The following EPM2A variants were observed in gnomAD, a reference collection of about 807,000 sequenced individuals.
The protein encoded by EPM2A is EPM2A glucan phosphatase, laforin.
In EPM2A, 21 loss-of-function variants were observed where a neutral mutation model predicts 26.5. The observed-to-expected ratio is 0.79, with a 90% CI of 0.56 to 1.14. EPM2A has a LOEUF of 1.14. Ranked by LOEUF, EPM2A falls within the 50% of genes most tolerant of loss-of-function variation. The pLI, the probability that EPM2A is intolerant of heterozygous loss-of-function variation, is 0.00. For missense variants in EPM2A, 458 were observed against 440.8 expected, an observed-to-expected ratio of 1.04 and a Z score of -0.35; for synonymous variants, 217 against 177.6, an observed-to-expected ratio of 1.22 and a Z score of -1.76.
At chr6:145,514,294 G>A (rs557504910) in intron 2 of EPM2A, among the ~76,000 whole-genome samples, 97 of 152,202 alleles carry the variant, frequency 6.4e-4, no homozygotes, top group African/African-American at 2.3e-3. Context: ...CTATAACTGA[G>A]TCAGATACCA....
At chr6:145,411,250 CTCTT>C (rs1338610931) in intron 4 of EPM2A, among the ~76,000 whole-genome samples, 1 of 152,154 alleles carries the variant, frequency 6.6e-6, no homozygotes, top group African/African-American at 2.4e-5. Context: ...AAGATACCAG[CTCTT>C]TCTATGATGA....
intron 4 of EPM2A, among the ~76,000 whole-genome samples, chr6:145,426,870 A>C (rs999543613): frequency 6.6e-6 from 1 of 152,242 alleles, no homozygotes; most frequent in Non-Finnish European, 1.5e-5. Context: ...TTATATCTTC[A>C]AAAAATTCCT....
At chr6:145,443,446 C>T (rs1779093408) in intron 4 of EPM2A, among the ~76,000 whole-genome samples, 1 of 152,104 alleles carries the variant, frequency 6.6e-6, no homozygotes, top group Non-Finnish European at 1.5e-5. Context: ...GATCTTTCAT[C>T]TCTCTCATTA....
At chr6:145,560,051 C>T (rs1345810803) in intron 2 of EPM2A, among the ~76,000 whole-genome samples, 1 of 152,088 alleles carries the variant, frequency 6.6e-6, no homozygotes, top group Non-Finnish European at 1.5e-5. Flanking sequence ...TACATTCAGC[C>T]AGGTTCTTCT....
At chr6:145,467,713 A>G (rs1779417542) in intron 4 of EPM2A, among the ~76,000 whole-genome samples, 3 of 152,140 alleles carry the variant, frequency 2.0e-5, no homozygotes, top group African/African-American at 7.2e-5. Context: ...AATGTTAAAT[A>G]TTATCTTTCA....
At chr6:145,605,540 G>C (rs1405908492) in intron 2 of EPM2A, among the ~76,000 whole-genome samples, 2 of 152,078 alleles carry the variant, frequency 1.3e-5, no homozygotes, top group African/African-American at 4.8e-5. Context: ...GAAAATGTAG[G>C]AGTATGATTG....
At chr6:145,731,725 C>G (rs1776496734) in intron 1 of EPM2A, among the ~76,000 whole-genome samples, 1 of 151,942 alleles carries the variant, frequency 6.6e-6, no homozygotes, top group Non-Finnish European at 1.5e-5. Flanking sequence ...ACTGCACATT[C>G]TGCACATATA....
At chr6:145,443,151 G>A (rs947682792) in intron 4 of EPM2A, among the ~76,000 whole-genome samples, 2 of 151,914 alleles carry the variant, frequency 1.3e-5, no homozygotes, top group Admixed American at 6.6e-5. Context: ...AATTACAGGT[G>A]TGAGCCACCA....
chr6:145,657,291 T>C (rs1164923694), intron 2 of EPM2A, among the ~76,000 whole-genome samples: 1 of 152,064 alleles, frequency 6.6e-6, no homozygotes, highest in Non-Finnish European at 1.5e-5. Context: ...AGTTTCACCA[T>C]ATTGGCCAGG....
intron 2 of EPM2A, among the ~76,000 whole-genome samples, chr6:145,608,259 T>C (rs1443284735): frequency 6.6e-6 from 1 of 152,226 alleles, no homozygotes; most frequent in African/African-American, 2.4e-5. Flanking sequence ...TTAAACTTTA[T>C]CATAGGTATG....
At chr6:145,469,871 A>G (rs1053439190) in intron 4 of EPM2A, among the ~76,000 whole-genome samples, 1 of 152,178 alleles carries the variant, frequency 6.6e-6, no homozygotes, top group African/African-American at 2.4e-5. Context: ...TATTTACAAC[A>G]TCATGGATGG....
intron 2 of EPM2A, among the ~76,000 whole-genome samples, chr6:145,615,239 A>T (rs566473424): frequency 6.6e-6 from 1 of 152,246 alleles, no homozygotes; most frequent in South Asian, 2.1e-4. Context: ...TGCTGTTCTC[A>T]TGATAATAGT....
intron 4 of EPM2A, among the ~76,000 whole-genome samples, chr6:145,467,654 G>A (rs1253492037): frequency 6.6e-6 from 1 of 151,920 alleles, no homozygotes; most frequent in Non-Finnish European, 1.5e-5. Context: ...ATTTTATATG[G>A]GATTGCATTA....
chr6:145,543,605 G>T (rs2114797002), intron 2 of EPM2A, among the ~76,000 whole-genome samples: 1 of 152,172 alleles, frequency 6.6e-6, no homozygotes, highest in South Asian at 2.1e-4. Context: ...AGAAAAAAAA[G>T]TATTTGTTTT....
At chr6:145,655,695 G>T (rs1778226312) in intron 2 of EPM2A, among the ~76,000 whole-genome samples, 1 of 152,106 alleles carries the variant, frequency 6.6e-6, no homozygotes. Flanking sequence ...TTTCTTCAGG[G>T]ATTGCCATAG....
intron 1 of EPM2A, among the ~76,000 whole-genome samples, chr6:145,690,521 GA>G (rs145052340): frequency 0.064 from 5,597 of 87,050 alleles, 290 homozygotes; most frequent in African/African-American, 0.21. Flanking sequence ...CGTCTCAAAA[GA>G]AAAAAAAAAA....
At chr6:145,418,953 C>CT (rs1439681409) in intron 4 of EPM2A, among the ~76,000 whole-genome samples, 10 of 152,156 alleles carry the variant, frequency 6.6e-5, no homozygotes, top group African/African-American at 2.2e-4. Flanking sequence ...TCAAAGAAGT[C>CT]TAACTGTTAT....
At chr6:145,617,754 C>T (rs1011223286) in intron 2 of EPM2A, among the ~76,000 whole-genome samples, 12 of 152,088 alleles carry the variant, frequency 7.9e-5, no homozygotes, top group Non-Finnish European at 1.5e-4. Flanking sequence ...GCCTGGGTGA[C>T]ATAGTGAGAC....
At chr6:145,631,038 G>C (rs1000252620) in intron 3 of EPM2A, 1 of 152,324 alleles carries the variant, frequency 6.6e-6, no homozygotes, top group African/African-American at 2.4e-5. Context: ...TTCTCAGTCA[G>C]TCCCTCTGCA....
Sources: allele counts gnomAD v4.1 joint callset (sites outside exome capture counted in the v4.1 genomes callset), GRCh38; gene constraint gnomAD v4.1.1; transcripts MANE v1.5; gene names NCBI Gene and HGNC (gene_info 2026-07-23, HGNC 2026-07-21).